The following RORA variants were observed in gnomAD, a reference collection of about 807,000 sequenced individuals.
RORA encodes RAR related orphan receptor A, also known as nuclear receptor ROR-alpha.
A neutral mutation model predicts 69.5 loss-of-function variants in RORA; 7 were observed. The ratio of observed to expected loss-of-function variants is 0.10; its 90% CI spans 0.06 to 0.19. The LOEUF is 0.19. Among genes scored for constraint, RORA ranks in the 10% least tolerant of loss-of-function variants. The pLI is 1.00. For synonymous variants in RORA, 261 were observed against 240.8 expected (o/e 1.08, Z -0.78); for missense variants, 457 against 663.0 (o/e 0.69, Z 3.41).
chr15:61,013,397 T>C (rs1895153938), intron 1 of RORA, among the ~76,000 whole-genome samples: 1 of 152,220 alleles, frequency 6.6e-6, no homozygotes, highest in African/African-American at 2.4e-5. Context: ...ACAGAAAAGT[T>C]TGCTGACTTC....
chr15:60,723,912 T>C (rs940076055), intron 1 of RORA, among the ~76,000 whole-genome samples: 1 of 152,196 alleles, frequency 6.6e-6, no homozygotes, highest in African/African-American at 2.4e-5. Context: ...AGAGACAAGA[T>C]GGATCTGTGT....
chr15:60,531,931 T>C lies in RORA; in HGVS notation c.197-80A>G, dbSNP rs1459984198. On this transcript the variant is annotated intron_variant, in intron 2 of 10. Coordinates refer to ENST00000335670, the MANE Select transcript of RORA (RefSeq NM_134261.3). This position sits in a 1 kb window ranked among gnomAD's most constrained non-coding sequence, Gnocchi z 4.8. The stretch of plus-strand genomic sequence containing the variant: ...AAGCGTTCCCTGATCAGCATTTGTA[T>C]AGTGAAAACTAATAACCTGCTAAAC... The C allele has an allele frequency of 1.0e-5, 8 of 763,920 alleles. No homozygotes were observed. The highest frequency in any genetic ancestry group is 1.5e-5 in the Non-Finnish European group (7 of 459,044). 47.3% of individuals were successfully genotyped at this position (763,920 alleles called of 1,614,324 possible). A position where few individuals can be genotyped will look rare whatever the true frequency, so the allele number is the denominator to read the frequency against.
chr15:60,961,465 T>C (rs910709516), intron 1 of RORA, among the ~76,000 whole-genome samples: 1 of 152,216 alleles, frequency 6.6e-6, no homozygotes, highest in Non-Finnish European at 1.5e-5. Context: ...AAAATGTTTA[T>C]CACCCATTGA....
chr15:60,914,482 T>C (rs1891813734), intron 1 of RORA, among the ~76,000 whole-genome samples: 1 of 152,218 alleles, frequency 6.6e-6, no homozygotes, highest in Non-Finnish European at 1.5e-5. Flanking sequence ...GTTTATGGAA[T>C]TGCCTTCGGG....
At chr15:61,137,038 AG>A (rs761992078) in intron 1 of RORA, among the ~76,000 whole-genome samples, 1 of 138,712 alleles carries the variant, frequency 7.2e-6, no homozygotes, top group African/African-American at 2.9e-5. Context: ...AAAGAAAGAA[AG>A]AAAGAAAGAA....
At chr15:61,180,350 G>A (rs1485253934) in intron 1 of RORA, among the ~76,000 whole-genome samples, 1 of 152,048 alleles carries the variant, frequency 6.6e-6, no homozygotes, top group Non-Finnish European at 1.5e-5. Context: ...TACGAATTTG[G>A]AGAGGATGTT....
Position 61,145,155 on chromosome 15 carries a change from T to A in RORA, c.166+83898A>T, listed in dbSNP as rs530095726. Reference sequence around the variant, plus strand: ...ATACAGGATATCTGTACAAAGATTTTAAAAATCTAGATGTATTTATCTTAT... The same window carrying A: ...ATACAGGATATCTGTACAAAGATTTAAAAAATCTAGATGTATTTATCTTAT... On this transcript the variant is annotated intron_variant, in intron 1 of 10. Coordinates refer to ENST00000335670, the MANE Select transcript of RORA (RefSeq NM_134261.3). Among the ~76,000 whole-genome samples, 105 of 152,340 alleles carry A rather than the reference T, an allele frequency of 6.9e-4. 1 individual carries two copies. The South Asian group carries it at 0.021, about 30-fold the overall frequency.
At chr15:60,755,328 G>A (rs893504862) in intron 1 of RORA, among the ~76,000 whole-genome samples, 10 of 151,654 alleles carry the variant, frequency 6.6e-5, no homozygotes, top group Admixed American at 6.6e-5. Flanking sequence ...CCTTTTTTAC[G>A]GCTGCATAGT....
At chr15:60,580,068 A>G (rs1039223437) in intron 2 of RORA, among the ~76,000 whole-genome samples, 3 of 152,222 alleles carry the variant, frequency 2.0e-5, no homozygotes, top group African/African-American at 7.2e-5. Context: ...GCAAAAAAAA[A>G]AGCACATTAT....
At chr15:60,947,804 C>G (rs1892943032) in intron 1 of RORA, among the ~76,000 whole-genome samples, 1 of 151,624 alleles carries the variant, frequency 6.6e-6, no homozygotes, top group African/African-American at 2.4e-5. Flanking sequence ...GCAGCCTCCG[C>G]AGTGGGAGAT....
chr15:60,880,140 C>A (rs1300103808), intron 1 of RORA, among the ~76,000 whole-genome samples: 1 of 152,164 alleles, frequency 6.6e-6, no homozygotes, highest in Non-Finnish European at 1.5e-5. Context: ...TCACATCTCA[C>A]CTTACTCTTT....
chr15:60,933,665 C>A (rs1471195598), intron 1 of RORA, among the ~76,000 whole-genome samples: 1 of 152,170 alleles, frequency 6.6e-6, no homozygotes, highest in Non-Finnish European at 1.5e-5. Context: ...TTCAATTTCC[C>A]ATCATGCCAG....
intron 1 of RORA, among the ~76,000 whole-genome samples, chr15:61,112,282 T>A (rs1057356738): frequency 3.3e-5 from 5 of 152,180 alleles, no homozygotes; most frequent in African/African-American, 9.7e-5. Context: ...TATTGATCCG[T>A]CATGGACTGG....
At chr15:60,863,544 A>G (rs2073454231) in intron 1 of RORA, among the ~76,000 whole-genome samples, 1 of 152,164 alleles carries the variant, frequency 6.6e-6, no homozygotes, top group South Asian at 2.1e-4. Context: ...ATGAACCCTC[A>G]CCAAATAAAT....
At chr15:60,618,584 A>AG (rs569760219) in intron 2 of RORA, among the ~76,000 whole-genome samples, 66 of 152,358 alleles carry the variant, frequency 4.3e-4, no homozygotes, top group Admixed American at 2.9e-3. Context: ...ACTTAAAAAA[A>AG]AAGTATTTAT....
At chr15:60,814,473 G>T (rs181197183) in intron 1 of RORA, among the ~76,000 whole-genome samples, 25 of 152,206 alleles carry the variant, frequency 1.6e-4, no homozygotes, top group African/African-American at 6.0e-4. Context: ...CCTAATATGA[G>T]TTAAATATTC....
chr15:61,079,153 C>T (rs540038005), intron 1 of RORA, among the ~76,000 whole-genome samples: 112 of 152,246 alleles, frequency 7.4e-4, no homozygotes, highest in Non-Finnish European at 1.0e-3. Context: ...AAAGTACTAG[C>T]TCTAATCTAC....
At chr15:60,536,378 C>T (rs1380908743) in intron 2 of RORA, among the ~76,000 whole-genome samples, 2 of 152,140 alleles carry the variant, frequency 1.3e-5, no homozygotes, top group South Asian at 2.1e-4. Flanking sequence ...ATTCTTTCCT[C>T]CAGACTTTAA....
At chr15:61,098,520 T>C (rs1017345507) in intron 1 of RORA, among the ~76,000 whole-genome samples, 3 of 152,112 alleles carry the variant, frequency 2.0e-5, no homozygotes, top group Non-Finnish European at 4.4e-5. Context: ...TTTTGTATTT[T>C]TTGTAGAGAC....
Sources: gnomAD v4.1 joint callset for allele counts (sites outside exome capture counted in the v4.1 genomes callset) on GRCh38, gnomAD v4.1.1 for gene constraint, Gnocchi (gnomAD v3.1) non-coding constraint, MANE v1.5 for transcripts, NCBI Gene and HGNC (gene_info 2026-07-23, HGNC 2026-07-21) for gene names.